The following GABRB1 variants were observed in gnomAD, a reference collection of about 807,000 sequenced individuals.
GABRB1 encodes gamma-aminobutyric acid receptor subunit beta-1.
In GABRB1, 17 loss-of-function variants were observed where a neutral mutation model predicts 51.6. The ratio of observed to expected loss-of-function variants is 0.33; its 90% CI spans 0.23 to 0.49. The LOEUF (loss-of-function observed/expected upper bound fraction) is 0.49. Among genes scored for constraint, GABRB1 ranks in the 20% least tolerant of loss-of-function variants. GABRB1 has a pLI of 0.99. For synonymous variants in GABRB1, 247 were observed against 218.9 expected, an observed-to-expected ratio of 1.13 and a Z score of -1.14; for missense variants, 410 against 600.6, an observed-to-expected ratio of 0.68 and a Z score of 3.32.
chr4:47,171,679 C>G, intron 4 of GABRB1, among the ~76,000 whole-genome samples: 1 of 152,190 alleles, frequency 6.6e-6, no homozygotes, highest in East Asian at 1.9e-4. Context: ...AAATATACAT[C>G]TAAGCAACGC....
chr4:47,287,311 C>A (rs147796552), intron 4 of GABRB1, among the ~76,000 whole-genome samples: 1 of 152,154 alleles, frequency 6.6e-6, no homozygotes, highest in Non-Finnish European at 1.5e-5. Context: ...TGTCCATGAG[C>A]CTTTCTGTTC....
upstream of GABRB1, among the ~76,000 whole-genome samples, chr4:47,028,760 C>T (rs554558279): frequency 1.2e-3 from 179 of 148,858 alleles, no homozygotes; most frequent in African/African-American, 4.2e-3. Flanking sequence ...ACACACACCC[C>T]GACACATACA....
chr4:47,262,459 G>A (rs1226157884), intron 4 of GABRB1, among the ~76,000 whole-genome samples: 2 of 152,264 alleles, frequency 1.3e-5, no homozygotes, highest in East Asian at 1.9e-4. Context: ...ATCATCACTG[G>A]CCATCAGAGA....
chr4:47,351,236 A>C (rs1726316759), intron 5 of GABRB1, among the ~76,000 whole-genome samples: 5 of 152,190 alleles, frequency 3.3e-5, no homozygotes, highest in Admixed American at 3.3e-4. Flanking sequence ...AGATTATTTC[A>C]AAAGCTAGCC....
intron 1 of GABRB1, among the ~76,000 whole-genome samples, chr4:46,995,313 T>TAGTC (rs1723955143): frequency 6.6e-6 from 1 of 152,194 alleles, no homozygotes; most frequent in Non-Finnish European, 1.5e-5. Flanking sequence ...ATGAAAGCAT[T>TAGTC]AGTCACCACA....
chr4:47,339,823 G>GCACACACACACACA (rs150988131), intron 5 of GABRB1, among the ~76,000 whole-genome samples: 129 of 141,976 alleles, frequency 9.1e-4, no homozygotes, highest in Non-Finnish European at 1.1e-3. Flanking sequence ...ATAAATAAAT[G>GCACACACACACACA]CACACACACA....
At chr4:47,007,225 G>C (rs764353391) in intron 1 of GABRB1, among the ~76,000 whole-genome samples, 1 of 152,070 alleles carries the variant, frequency 6.6e-6, no homozygotes, top group Non-Finnish European at 1.5e-5. Flanking sequence ...CACATCATTT[G>C]TCATTATATT....
chr4:47,088,757 C>A (rs2109581875), intron 3 of GABRB1, among the ~76,000 whole-genome samples: 1 of 152,312 alleles, frequency 6.6e-6, no homozygotes, highest in African/African-American at 2.4e-5. Context: ...TTCCAAAGAC[C>A]ATGCTGTGTC....
intron 5 of GABRB1, among the ~76,000 whole-genome samples, chr4:47,357,623 G>A (rs1032143271): frequency 6.6e-6 from 1 of 152,214 alleles, no homozygotes; most frequent in South Asian, 2.1e-4. Context: ...GCTGGTACAA[G>A]AGAAGCCCCA....
intron 4 of GABRB1, among the ~76,000 whole-genome samples, chr4:47,298,454 A>G (rs1196464170): frequency 6.6e-6 from 1 of 152,192 alleles, no homozygotes; most frequent in Non-Finnish European, 1.5e-5. Context: ...ACAGACAAAC[A>G]GAGAGCCAAA....
intron 5 of GABRB1, among the ~76,000 whole-genome samples, chr4:47,391,355 T>C (rs1727985260): frequency 6.6e-6 from 1 of 152,222 alleles, no homozygotes; most frequent in Non-Finnish European, 1.5e-5. Flanking sequence ...TTAAAATCTC[T>C]ATTGATCAGT....
intron 3 of GABRB1, among the ~76,000 whole-genome samples, chr4:47,130,882 A>G (rs1577935832): frequency 6.6e-6 from 1 of 152,296 alleles, no homozygotes; most frequent in East Asian, 1.9e-4. Context: ...TATATCAAGA[A>G]AGCTGGTTAC....
rs575047422 is a variant in GABRB1, at chr4:47,102,834, G to A, written c.241-58415G>A. ...ACTAGGTTGAAAAAAGTTAAAACTA[G>A]AACTAGGAGAGCAATGAGGTTATTG... On this transcript the variant is annotated intron_variant, in intron 3 of 8. Transcript: ENST00000295454. Among the ~76,000 whole-genome samples the A allele has an allele frequency of 4.2e-3, 632 of 152,092 alleles. 3 individuals carry two copies. Among genetic ancestry groups the A allele is most frequent in the Middle Eastern group, 0.01 (3 of 294 alleles).
chr4:47,355,135 C>T (rs1158175624), intron 5 of GABRB1, among the ~76,000 whole-genome samples: 1 of 151,528 alleles, frequency 6.6e-6, no homozygotes, highest in African/African-American at 2.4e-5. Context: ...ACAGGGACCA[C>T]ACGCCCAGCT....
At chr4:47,303,839 G>C (rs1271088294) in intron 4 of GABRB1, among the ~76,000 whole-genome samples, 1 of 151,822 alleles carries the variant, frequency 6.6e-6, no homozygotes, top group Non-Finnish European at 1.5e-5. Flanking sequence ...CCCAGTCCCT[G>C]GTAACCAGCA....
upstream of GABRB1, among the ~76,000 whole-genome samples, chr4:47,028,149 CACTT>C (rs1319212527): frequency 6.6e-6 from 1 of 151,538 alleles, no homozygotes; most frequent in East Asian, 1.9e-4. Context: ...ATTTATTGGT[CACTT>C]AATTATTTTT....
intron 4 of GABRB1, among the ~76,000 whole-genome samples, chr4:47,255,703 C>T (rs1015557127): frequency 2.0e-5 from 3 of 152,218 alleles, no homozygotes; most frequent in African/African-American, 7.2e-5. Context: ...TGTTAAAACA[C>T]AGATTGCTGG....
intron 3 of GABRB1, among the ~76,000 whole-genome samples, chr4:47,104,686 A>T (rs567994833): frequency 1.3e-5 from 2 of 151,826 alleles, no homozygotes; most frequent in Non-Finnish European, 2.9e-5. Context: ...AAGTTTACTG[A>T]TTCTGTTTTT....
chr4:47,084,653 T>C (rs576418446), intron 3 of GABRB1, among the ~76,000 whole-genome samples: 1 of 152,318 alleles, frequency 6.6e-6, no homozygotes, highest in South Asian at 2.1e-4. Context: ...GGGTTTCCCT[T>C]ACCTACCTGA....
Sources: gnomAD v4.1 joint callset for allele counts (sites outside exome capture counted in the v4.1 genomes callset) on GRCh38, gnomAD v4.1.1 for gene constraint, MANE v1.5 for transcripts, NCBI Gene and HGNC (gene_info 2026-07-23, HGNC 2026-07-21) for gene names.